The following SEMA5B variants were observed in gnomAD, a reference collection of about 807,000 sequenced individuals.
The protein encoded by SEMA5B is semaphorin-5B.
Under a neutral mutation model 135.0 loss-of-function variants are expected in SEMA5B, and 66 were observed. That is an observed-to-expected ratio of 0.49 (90% CI 0.40 to 0.60). The LOEUF (loss-of-function observed/expected upper bound fraction) is 0.60, where lower values mean the gene tolerates loss of function less well. Ranked by LOEUF, SEMA5B falls within the 20% of genes least tolerant of loss-of-function variation. The pLI is 0.00. For missense variants in SEMA5B, 1,501 were observed against 1,566.3 expected (o/e 0.96, Z 0.70); for synonymous variants, 690 against 639.5 (o/e 1.08, Z -1.19).
intron 12 of SEMA5B, among the ~76,000 whole-genome samples, chr3:122,919,120 C>G (rs1938223475): frequency 6.6e-6 from 1 of 150,932 alleles, no homozygotes; most frequent in South Asian, 2.1e-4. Flanking sequence ...CAGGCTGATT[C>G]CAGCACTGTG....
chr3:122,947,484 A>C (rs1447158608), intron 3 of SEMA5B, among the ~76,000 whole-genome samples: 1 of 150,972 alleles, frequency 6.6e-6, no homozygotes, highest in South Asian at 2.1e-4. Context: ...TACCCCACCC[A>C]CTCCTGCAGG....
chr3:122,925,978 G>C (rs1260004739), intron 9 of SEMA5B, among the ~76,000 whole-genome samples: 2 of 152,152 alleles, frequency 1.3e-5, no homozygotes, highest in Non-Finnish European at 2.9e-5. Flanking sequence ...GTGATGGCAG[G>C]GTTACCAGAA....
intron 4 of SEMA5B, among the ~76,000 whole-genome samples, chr3:122,940,136 G>T (rs1939489443): frequency 6.6e-6 from 1 of 152,162 alleles, no homozygotes; most frequent in Non-Finnish European, 1.5e-5. Context: ...CCTGCACAGG[G>T]CTTCCAGACT....
chr3:122,990,584 G>A (rs920557989), intron 1 of SEMA5B, among the ~76,000 whole-genome samples: 5 of 152,044 alleles, frequency 3.3e-5, no homozygotes, highest in African/African-American at 1.2e-4. Context: ...AGAAGGACCC[G>A]AGGGCTTCAC....
intron 12 of SEMA5B, among the ~76,000 whole-genome samples, chr3:122,920,589 C>T (rs1270025182): frequency 2.0e-5 from 3 of 152,214 alleles, no homozygotes; most frequent in Non-Finnish European, 4.4e-5. Flanking sequence ...AGTCCCAATC[C>T]TTACAACTCT....
At position 122,923,683 on chromosome 3, in the gene SEMA5B, T is replaced by C. The variant is rs1938486547; in HGVS notation, c.1206A>G (p.Pro402=). 2.5e-6 allele frequency: 4 copies of C among 1,613,986 alleles called. No individual in the cohort carries two copies. The South Asian group carries it at 4.4e-5, about 18-fold the overall frequency. The change falls in exon 10 of 23, where the codon CCA becomes CCG. Residue 402 remains proline, a synonymous_variant. Transcript: ENST00000357599. ...LSAISQAFNG[P]FRYQENPRAA... is the part of the protein sequence containing the mutation. ...CCCTGGGGTTCTCCTGGTAGCGAAATGGGCCATTGAAAGCCTGGGAGATAG... is the reference window on the plus strand; with the variant it reads ...CCCTGGGGTTCTCCTGGTAGCGAAACGGGCCATTGAAAGCCTGGGAGATAG...
At chr3:122,963,718 C>T (rs1271061947) in intron 1 of SEMA5B, among the ~76,000 whole-genome samples, 1 of 152,134 alleles carries the variant, frequency 6.6e-6, no homozygotes, top group Non-Finnish European at 1.5e-5. Context: ...ATTTGACTCC[C>T]TTGGCTTTCT....
chr3:122,915,530 A>G lies in SEMA5B; in HGVS notation c.1898T>C (p.Leu633Pro). The change falls in exon 14 of 23, where the codon CTG becomes CCG. Residue 633 changes from leucine to proline, a missense_variant. By Grantham distance (98) the Leu-to-Pro change is moderately conservative (BLOSUM62 -3). Coordinates refer to ENST00000357599, the MANE Select transcript of SEMA5B (RefSeq NM_001031702.4). ...HLDGDNSGSC[L>P]CRARSCDSPR... ...GGAATCACAGGATCGAGCTCGACAC[A>G]GGCAAGAGCCTGAGTTGTCCCCATC... is the stretch of plus-strand genomic sequence containing the variant. 6.2e-7 allele frequency: 1 copy of G among 1,614,114 alleles called. No homozygotes were observed. Among genetic ancestry groups the G allele is most frequent in the Non-Finnish European group, 8.5e-7 (1 of 1,180,004 alleles).
rs1353584897 is a variant in SEMA5B at position 122,927,836 on chromosome 3, A to T, written c.804T>A (p.Ser268Arg). The change falls in exon 8 of 23, where the codon AGT (serine) becomes AGA (arginine). Residue 268 changes from serine (S) to arginine (R), a missense_variant. Physicochemically the swap from Ser to Arg is moderately radical, Grantham distance 110. Transcript: ENST00000357599. ...ATTGGGCAGTGCGAAGCGGTGGCCCACTGCCCAGGCTGCGGTAGATGGCAG... is the reference window on the plus strand; with the variant it reads ...ATTGGGCAGTGCGAAGCGGTGGCCCTCTGCCCAGGCTGCGGTAGATGGCAG... ...RDPAIYRSLGSGPPLRTAQYN... is the reference protein window; with the variant it reads ...RDPAIYRSLGRGPPLRTAQYN... The T allele has an allele frequency of 3.2e-6, 5 of 1,569,316 alleles. No homozygotes were observed. The highest frequency in any genetic ancestry group is 4.3e-6 in the Non-Finnish European group (5 of 1,156,298).
rs541961648 is a variant in SEMA5B, at chr3:122,938,077, A to T, written c.474+1348T>A. Among the ~76,000 whole-genome samples the T allele has an allele frequency of 3.1e-3, 466 of 152,328 alleles. 2 individuals carry two copies. Among genetic ancestry groups the T allele is most frequent in the Admixed American group, 0.012 (185 of 15,302 alleles). On this transcript the variant is annotated intron_variant, in intron 5 of 22. Coordinates refer to ENST00000357599, the MANE Select transcript of SEMA5B (RefSeq NM_001031702.4). ...TGGGGAACTTCCCCTGCCTTGCTCCAGCCCAGATCCCAGGAATATGCTGCA... is the reference window on the plus strand; with the variant it reads ...TGGGGAACTTCCCCTGCCTTGCTCCTGCCCAGATCCCAGGAATATGCTGCA...
chr3:122,941,353 C>T (rs1939553433), intron 4 of SEMA5B, among the ~76,000 whole-genome samples: 1 of 152,180 alleles, frequency 6.6e-6, no homozygotes, highest in African/African-American at 2.4e-5. Context: ...GGGAAGCCTC[C>T]AGACAGAAAA....
At chr3:122,966,712 G>A (rs748506365) in intron 1 of SEMA5B, among the ~76,000 whole-genome samples, 118 of 147,448 alleles carry the variant, frequency 8.0e-4, no homozygotes, top group African/African-American at 1.2e-3. Context: ...CCGCCACCGC[G>A]CCCAGCTAAT....
intron 22 of SEMA5B, among the ~76,000 whole-genome samples, 181 bp from the exon 23 acceptor site, chr3:122,910,482 CACCCTGCCCTCCT>C (rs974095884): frequency 6.6e-6 from 1 of 152,202 alleles, no homozygotes; most frequent in African/African-American, 2.4e-5. Flanking sequence ...CTGCACTCTT[CACCCTGCCCTCCT>C]ACCCTGCCCT....
chr3:123,014,177 T>A (rs955860487), intron 1 of SEMA5B, among the ~76,000 whole-genome samples: 1 of 152,138 alleles, frequency 6.6e-6, no homozygotes, highest in African/African-American at 2.4e-5. Flanking sequence ...AGGCCTCCAG[T>A]GGGCCACACA....
intron 2 of SEMA5B, among the ~76,000 whole-genome samples, chr3:122,955,130 C>A (rs1384735519): frequency 1.3e-5 from 2 of 150,554 alleles, no homozygotes; most frequent in Non-Finnish European, 3.0e-5. Flanking sequence ...TTTTTTTAGA[C>A]CGTGTCTCTA....
chr3:122,998,110 C>T (rs555408445), intron 1 of SEMA5B, among the ~76,000 whole-genome samples: 2 of 152,302 alleles, frequency 1.3e-5, no homozygotes, highest in South Asian at 2.1e-4. Flanking sequence ...ACAGGAGCCT[C>T]CCTTGGGGCC....
intron 2 of SEMA5B, among the ~76,000 whole-genome samples, chr3:122,952,670 A>C (rs1037134313): frequency 6.6e-6 from 1 of 152,124 alleles, no homozygotes; most frequent in Non-Finnish European, 1.5e-5. Context: ...GCCCTCTGAC[A>C]CTTATGCTGG....
At chr3:122,978,470 C>T (rs992367626) in intron 1 of SEMA5B, among the ~76,000 whole-genome samples, 7 of 152,216 alleles carry the variant, frequency 4.6e-5, no homozygotes, top group Admixed American at 2.0e-4. Flanking sequence ...CCCATGATGA[C>T]AGAGCTAGGT....
At chr3:122,977,332 C>T (rs969525349) in intron 1 of SEMA5B, among the ~76,000 whole-genome samples, 20 of 152,190 alleles carry the variant, frequency 1.3e-4, no homozygotes, top group Admixed American at 7.9e-4. Context: ...GAATAATAAA[C>T]GAATTGCAAA....
Sources: allele counts gnomAD v4.1 joint callset (sites outside exome capture counted in the v4.1 genomes callset), GRCh38; gene constraint gnomAD v4.1.1; transcripts MANE v1.5; gene names NCBI Gene and HGNC (gene_info 2026-07-23, HGNC 2026-07-21).